Variants in FGF12 observed in about 807,000 individuals in gnomAD.
FGF12 encodes fibroblast growth factor 12B.
A neutral mutation model predicts 23.6 loss-of-function variants in FGF12; 14 were observed. That is an observed-to-expected ratio of 0.59 (90% CI 0.39 to 0.93). The LOEUF is 0.93. Among genes scored for constraint, FGF12 ranks in the 40% least tolerant of loss-of-function variants. FGF12 has a pLI of 0.00. For missense variants in FGF12, 175 were observed against 217.8 expected, an observed-to-expected ratio of 0.80 and a Z score of 1.24; for synonymous variants, 62 against 77.3, an observed-to-expected ratio of 0.80 and a Z score of 1.04.
chr3:192,424,323 C>T (rs543538575), intron 2 of FGF12, among the ~76,000 whole-genome samples: 2 of 152,232 alleles, frequency 1.3e-5, no homozygotes, highest in South Asian at 2.1e-4. Context: ...ATTTGTAATG[C>T]TAATGAGAAT....
At chr3:192,190,650 T>C (rs1716739159) in intron 4 of FGF12, among the ~76,000 whole-genome samples, 2 of 151,894 alleles carry the variant, frequency 1.3e-5, no homozygotes, top group Non-Finnish European at 1.5e-5. Flanking sequence ...TAATTTTTTG[T>C]ATTTTTAGTA....
intron 2 of FGF12, among the ~76,000 whole-genome samples, chr3:192,689,635 A>G (rs1403339442): frequency 6.6e-6 from 1 of 151,990 alleles, no homozygotes; most frequent in Non-Finnish European, 1.5e-5. Flanking sequence ...AGAAAAAAGA[A>G]AAAAAGGAAT....
At chr3:192,499,944 T>C (rs967837543) in intron 2 of FGF12, among the ~76,000 whole-genome samples, 2 of 152,146 alleles carry the variant, frequency 1.3e-5, no homozygotes, top group African/African-American at 4.8e-5. Flanking sequence ...AACCCAGGTA[T>C]TATTTTATTC....
chr3:192,461,834 C>G (rs1228125784), intron 2 of FGF12, among the ~76,000 whole-genome samples: 1 of 151,764 alleles, frequency 6.6e-6, no homozygotes, highest in Non-Finnish European at 1.5e-5. Flanking sequence ...ACTAAAAATA[C>G]AAAAAATTAG....
In FGF12 at chr3:192,336,675, C is replaced by T. The variant is rs541612409; in HGVS notation, c.125-1211G>A. ...TCTGTTGATAAAATTCCTATCAGTT[C>T]TCGTCTTCTTAGTTTTTAATACAAG... On this transcript the variant is annotated intron_variant, in intron 3 of 5. Coordinates refer to ENST00000445105, the MANE Select transcript of FGF12 (RefSeq NM_004113.6). This position sits in a 1 kb window ranked among gnomAD's most constrained non-coding sequence, Gnocchi z 4.3. Among the ~76,000 whole-genome samples, 2 of 152,168 alleles carry T rather than the reference C, an allele frequency of 1.3e-5. No individual in the cohort carries two copies. The highest frequency in any genetic ancestry group is 1.3e-4 in the Admixed American group (2 of 15,272).
chr3:192,457,830 A>T (rs1236766283), intron 2 of FGF12, among the ~76,000 whole-genome samples: 4 of 152,110 alleles, frequency 2.6e-5, no homozygotes, highest in Non-Finnish European at 5.9e-5. Flanking sequence ...AGGCCACGTC[A>T]CAGATCTTCA....
At chr3:192,689,210 T>A (rs1717864669) in intron 2 of FGF12, among the ~76,000 whole-genome samples, 1 of 152,170 alleles carries the variant, frequency 6.6e-6, no homozygotes, top group African/African-American at 2.4e-5. Context: ...GTATTATATA[T>A]TTCAAAATAG....
intron 2 of FGF12, among the ~76,000 whole-genome samples, chr3:192,619,713 T>C (rs1714900637): frequency 6.6e-6 from 1 of 152,162 alleles, no homozygotes; most frequent in Non-Finnish European, 1.5e-5. Context: ...ATGTGCGAAA[T>C]TGGAGATACA....
intron 2 of FGF12, among the ~76,000 whole-genome samples, chr3:192,443,455 A>G (rs1050973901): frequency 2.6e-5 from 4 of 152,230 alleles, no homozygotes; most frequent in Non-Finnish European, 4.4e-5. Context: ...GACAGTAGTA[A>G]TAAGTAGGGC....
At chr3:192,689,688 T>A (rs550573080) in intron 2 of FGF12, among the ~76,000 whole-genome samples, 2 of 152,002 alleles carry the variant, frequency 1.3e-5, no homozygotes, top group East Asian at 3.9e-4. Flanking sequence ...AGAGAGCTAT[T>A]TTTTGCATAA....
chr3:192,512,025 T>G (rs1385210009), intron 2 of FGF12, among the ~76,000 whole-genome samples: 1 of 152,226 alleles, frequency 6.6e-6, no homozygotes, highest in African/African-American at 2.4e-5. Flanking sequence ...TTCCAACTAT[T>G]CAGCAATCTG....
intron 2 of FGF12, among the ~76,000 whole-genome samples, chr3:192,600,254 C>T (rs1400881818): frequency 1.3e-5 from 2 of 150,944 alleles, no homozygotes; most frequent in Admixed American, 1.3e-4. Flanking sequence ...GTCTATGTGT[C>T]TGTTTTTATA....
In FGF12 at chr3:192,672,324, T is replaced by G. The variant is rs531216093; in HGVS notation, c.13+54857A>C. The stretch of plus-strand genomic sequence containing the variant: ...AGATTTTCCTGTTGTCATAAATAAA[T>G]AAAGAAATCACTAAGTTATCTGAAT... On this transcript the variant is annotated intron_variant, in intron 2 of 5. Transcript: ENST00000445105. Among the ~76,000 whole-genome samples, 73 of 151,244 alleles carry G rather than the reference T, an allele frequency of 4.8e-4. 2 individuals are homozygous for G. The highest frequency in any genetic ancestry group is 1.7e-3 in the African/African-American group (71 of 41,468).
intron 2 of FGF12, among the ~76,000 whole-genome samples, chr3:192,465,177 A>C (rs1432840860): frequency 6.6e-6 from 1 of 152,222 alleles, no homozygotes; most frequent in Non-Finnish European, 1.5e-5. Context: ...ACTTTTTCTT[A>C]AGTTAAATGC....
At position 192,486,470 on chromosome 3, in the gene FGF12, A is replaced by C. The variant is rs1257376992; in HGVS notation, c.14-125932T>G. 7.9e-5 allele frequency among the ~76,000 whole-genome samples: 12 copies of C among 152,112 alleles called. 1 individual carries two copies. In the South Asian group the frequency reaches 1.0e-3, roughly 13 times the overall value. ...AAGAATGAGCCATGTAAAAACAAAG[A>C]GTGAACACGGATGGCAAGGGGAAAT... is the stretch of plus-strand genomic sequence containing the variant. On this transcript the variant is annotated intron_variant, in intron 2 of 5. Transcript: ENST00000445105.
intron 2 of FGF12, among the ~76,000 whole-genome samples, chr3:192,442,258 C>T (rs971529162): frequency 6.6e-6 from 1 of 152,266 alleles, no homozygotes; most frequent in Non-Finnish European, 1.5e-5. Flanking sequence ...TGATATATAT[C>T]CAGTGTTTAC....
rs1715498104 is a variant in FGF12, at chr3:192,634,218, C to T, written c.13+92963G>A. Among the ~76,000 whole-genome samples the T allele has an allele frequency of 4.6e-5, 7 of 152,114 alleles. No individual in the cohort carries two copies. The South Asian group carries it at 1.5e-3, about 32-fold the overall frequency. On this transcript the variant is annotated intron_variant, in intron 2 of 5. Transcript: ENST00000445105. ...ACACACGTAGATTCATATACACATG[C>T]GCACATACACGTACGTCCAGTCAGC...
intron 2 of FGF12, among the ~76,000 whole-genome samples, chr3:192,647,941 G>A (rs1175674300): frequency 1.3e-5 from 2 of 151,834 alleles, no homozygotes; most frequent in Non-Finnish European, 2.9e-5. Context: ...TATTTGATAG[G>A]TCCCCACTTA....
chr3:192,406,207 C>A (rs968892985), intron 2 of FGF12, among the ~76,000 whole-genome samples: 2 of 151,922 alleles, frequency 1.3e-5, no homozygotes, highest in African/African-American at 2.4e-5. Flanking sequence ...CAAAATGAAG[C>A]CATGCAAAAG....
Sources: gnomAD v4.1 joint callset for allele counts (sites outside exome capture counted in the v4.1 genomes callset) on GRCh38, gnomAD v4.1.1 for gene constraint, Gnocchi (gnomAD v3.1) non-coding constraint, MANE v1.5 for transcripts, NCBI Gene and HGNC (gene_info 2026-07-23, HGNC 2026-07-21) for gene names.